INF2: variants seen among roughly 807,000 people sequenced by gnomAD.
INF2 encodes the protein inverted formin 2.
INF2 carries 43 observed loss-of-function variants against 123.5 expected under a neutral mutation model. That is an observed-to-expected ratio of 0.35 (90% CI 0.27 to 0.45). The LOEUF (loss-of-function observed/expected upper bound fraction) is 0.45, where lower values mean the gene tolerates loss of function less well. Ranked by LOEUF, INF2 falls within the 20% of genes least tolerant of loss-of-function variation. INF2 has a pLI of 1.00. For synonymous variants in INF2, 851 were observed against 745.0 expected, an observed-to-expected ratio of 1.14 and a Z score of -2.32; for missense variants, 1,453 against 1,682.7, an observed-to-expected ratio of 0.86 and a Z score of 2.39.
In INF2 at chr14:104,699,585, T is replaced by A. The variant is rs1595160768; in HGVS notation, c.-9-1772T>A. The A allele has an allele frequency of 2.0e-6, 2 of 983,478 alleles. No homozygotes were observed. Among genetic ancestry groups the A allele is most frequent in the South Asian group, 9.5e-5 (2 of 21,158 alleles). 60.9% of individuals were successfully genotyped at this position (983,478 alleles called of 1,614,324 possible). A position where few individuals can be genotyped will look rare whatever the true frequency, so the allele number is the denominator to read the frequency against. On this transcript the variant is annotated intron_variant, in intron 1 of 22. Transcript: ENST00000392634. The surrounding 1 kb of genome is among the most constrained non-coding windows in gnomAD (Gnocchi z 4.7). ...TGGGTGGGCAGAGGTGGCCGGAAGG[T>A]CTTGCGCATCTGGGTGAGTGGACGG... is the stretch of plus-strand genomic sequence containing the variant.
At position 104,684,551 on chromosome 14, in the gene INF2, A is replaced by C; in HGVS notation, c.-104+2969A>C. 1 of 160,126 alleles carries C rather than the reference A, an allele frequency of 6.2e-6. No individual in the cohort carries two copies. Among genetic ancestry groups the C allele is most frequent in the Non-Finnish European group, 1.4e-5 (1 of 73,194 alleles). 9.9% of individuals were successfully genotyped at this position (160,126 alleles called of 1,614,324 possible). A position where few individuals can be genotyped will look rare whatever the true frequency, so the allele number is the denominator to read the frequency against. On this transcript the variant is annotated intron_variant, in intron 1 of 2. Transcript: ENST00000674723. The surrounding 1 kb of genome is among the most constrained non-coding windows in gnomAD (Gnocchi z 5.0). ...CGGCTCTATGGTGGCAGAGAGGAGA[A>C]AAGCAGTTAGCTTTGGCAGGTGCCC...
chr14:104,708,061 G>A, intron 8 of INF2, 59 bp downstream of exon 8: 1 of 1,596,208 alleles, frequency 6.3e-7, no homozygotes, highest in East Asian at 2.2e-5. Context: ...GGTCTCTGCT[G>A]GGGAGAGGGG....
rs1242141636 is a variant in INF2 at position 104,699,877 on chromosome 14, T to TA, written c.-9-1479dup. Among the ~76,000 whole-genome samples, 16 of 152,106 alleles carry TA rather than the reference T, an allele frequency of 1.1e-4. No individual in the cohort carries two copies. Among genetic ancestry groups the TA allele is most frequent in the African/African-American group, 3.9e-4 (16 of 41,420 alleles). ...GGACATGCAGATCAGAACCCTGGCT[T>TA]ACACCTGTCAGGCTGCCTCCTGGAA... On this transcript the variant is annotated intron_variant, in intron 1 of 22. Transcript: ENST00000392634. This position sits in a 1 kb window ranked among gnomAD's most constrained non-coding sequence, Gnocchi z 4.7.
At position 104,715,250 on chromosome 14, in the gene INF2, AG is replaced by A. The variant is rs760660257; in HGVS notation, c.3695-33del. ...GAGTCAGGGTTGCTTCTGTGTGATAAGCCGTTGAGTGCGTTTCTTTTATTTG... is the reference window on the plus strand; with the variant it reads ...GAGTCAGGGTTGCTTCTGTGTGATAACCGTTGAGTGCGTTTCTTTTATTTG... On this transcript the variant is annotated intron_variant, in intron 21 of 22. Transcript: ENST00000392634. The A allele has an allele frequency of 2.1e-4, 336 of 1,609,042 alleles. 3 individuals are homozygous for A. The Middle Eastern group carries it at 0.016, about 76-fold the overall frequency.
Position 104,722,483 on chromosome 14 carries a change from G to A in INF2, c.*3690G>A, listed in dbSNP as rs1489999513. ...TGATGGGACTTTGTGGTTCCTGGTGGACATTTAACATTGTCGGTTTCTCTC... is the reference window on the plus strand; with the variant it reads ...TGATGGGACTTTGTGGTTCCTGGTGAACATTTAACATTGTCGGTTTCTCTC... On this transcript the variant is annotated 3_prime_UTR_variant, in exon 23 of 23. Transcript: ENST00000392634. The A allele has an allele frequency of 1.3e-5, 2 of 152,240 alleles. No individual in the cohort carries two copies. The highest frequency in any genetic ancestry group is 2.9e-5 in the Non-Finnish European group (2 of 68,084). The allele number at this position is 152,240 out of a possible 1,614,324, so 9.4% of individuals were successfully genotyped here. A position where few individuals can be genotyped will look rare whatever the true frequency, so the allele number is the denominator to read the frequency against.
upstream of INF2, among the ~76,000 whole-genome samples, chr14:104,686,474 A>G (rs1025971277): frequency 3.3e-5 from 5 of 151,706 alleles, no homozygotes; most frequent in African/African-American, 1.2e-4. Flanking sequence ...AGACGGATGA[A>G]GTGTGGGTGT....
intron 5 of INF2, among the ~76,000 whole-genome samples, chr14:104,705,058 G>C (rs1386246650): frequency 6.6e-6 from 1 of 152,152 alleles, no homozygotes; most frequent in African/African-American, 2.4e-5. Flanking sequence ...CTGTACTCAG[G>C]GGGGTGTCCT....
chr14:104,700,371 G>C (rs1205459907), intron 1 of INF2, among the ~76,000 whole-genome samples: 1 of 152,174 alleles, frequency 6.6e-6, no homozygotes, highest in Non-Finnish European at 1.5e-5. Context: ...GCTGGGCCGG[G>C]GTGGAGGCTC....
chr14:104,713,279 C>A lies in INF2; in HGVS notation c.2848C>A (p.Arg950=). ...GCAGCAGCTGGCGGAGGAGGAGGCG[C>A]GGCGGCCTCGGGGAGAGGACGGGAA... is the stretch of plus-strand genomic sequence containing the variant. ...RKQQLAEEEA[R]RPRGEDGKPV... Residue 950 remains arginine (R), a synonymous_variant, in exon 19 of 23, where the codon CGG becomes AGG. Coordinates refer to ENST00000392634, the MANE Select transcript of INF2 (RefSeq NM_022489.4). 6.5e-7 allele frequency: 1 copy of A among 1,550,264 alleles called. No homozygotes were observed. Among genetic ancestry groups the A allele is most frequent in the Non-Finnish European group, 8.7e-7 (1 of 1,147,490 alleles).
chr14:104,711,031 C>T, intron 14 of INF2, 24 bp downstream of exon 14: 1 of 1,611,178 alleles, frequency 6.2e-7, no homozygotes. Context: ...AGCTCCCCAT[C>T]CCACCTGGTG....
chr14:104,715,035 C>T (rs961316097), intron 21 of INF2, among the ~76,000 whole-genome samples, 179 bp downstream of exon 21: 2 of 152,204 alleles, frequency 1.3e-5, no homozygotes, highest in Non-Finnish European at 1.5e-5. Context: ...TGGGCTGCCG[C>T]GGCCCGTGCA....
chr14:104,713,358 T>C, intron 19 of INF2, 49 bp downstream of exon 19: 1 of 1,557,214 alleles, frequency 6.4e-7, no homozygotes, highest in East Asian at 2.4e-5. Flanking sequence ...GGGATCCTTG[T>C]CTGTGCTCCA....
intron 1 of INF2, chr14:104,691,265 T>C (rs1346675083): frequency 6.6e-6 from 1 of 152,188 alleles, no homozygotes; most frequent in Non-Finnish European, 1.5e-5. Flanking sequence ...ACTTCCTGGG[T>C]TGGAAAAGTT....
chr14:104,697,887 C>CA (rs1555372662), intron 1 of INF2, among the ~76,000 whole-genome samples: 12 of 151,812 alleles, frequency 7.9e-5, no homozygotes, highest in Admixed American at 5.2e-4. Context: ...GGTGGACTGC[C>CA]GGGGGGGGTG....
intron 1 of INF2, among the ~76,000 whole-genome samples, chr14:104,683,356 C>T (rs4994393): frequency 0.051 from 5,313 of 104,006 alleles, 93 homozygotes; most frequent in Non-Finnish European, 0.063. Context: ...CCGTCCACTC[C>T]AAGAGCCTAG....
Position 104,712,821 on chromosome 14 carries a change from C to A in INF2, c.2611-7C>A. ...CTCACGGGACTGTCACGTGCCCTTG[C>A]CCCCAGGCCAGCATCTCGGCCTTCC... is the stretch of plus-strand genomic sequence containing the variant. On this transcript the variant is annotated splice_polypyrimidine_tract_variant and splice_region_variant and intron_variant, in intron 17 of 22. Coordinates refer to ENST00000392634, the MANE Select transcript of INF2 (RefSeq NM_022489.4). 1 of 1,605,826 alleles carries A rather than the reference C, an allele frequency of 6.2e-7. No homozygotes were observed. Among genetic ancestry groups the A allele is most frequent in the South Asian group, 1.1e-5 (1 of 90,534 alleles).
Position 104,701,650 on chromosome 14 carries a change from C to T in INF2, c.285C>T (p.Ala95=), listed in dbSNP as rs757222949. The T allele has an allele frequency of 3.1e-6, 5 of 1,596,508 alleles. No individual in the cohort carries two copies. The highest frequency in any genetic ancestry group is 1.3e-5 in the African/African-American group (1 of 74,742). ...GCGGCGTTGCACGTATCTCCGACGC[C>T]CTGCTGCAGCTCACCTGCGTCAGCT... The part of the protein sequence containing the change: ...SGRGVARISD[A]LLQLTCVSCV... Residue 95 remains alanine (A), a synonymous_variant, in exon 2 of 23, where the codon GCC becomes GCT. Transcript: ENST00000392634.
At chr14:104,681,510 C>G in exon 1 of INF2, 1 of 1,253,082 alleles carries the variant, frequency 8.0e-7, no homozygotes, top group Non-Finnish European at 1.0e-6. Flanking sequence ...GGCACCAGCG[C>G]CCCCTCTCAG....
At chr14:104,686,933 G>C (rs117578506), upstream of INF2, among the ~76,000 whole-genome samples, 20 of 152,328 alleles carry the variant, frequency 1.3e-4, no homozygotes, top group Non-Finnish European at 2.6e-4. Context: ...CTCTCCACAG[G>C]CCTACAGTGG....
Sources: allele counts gnomAD v4.1 joint callset (sites outside exome capture counted in the v4.1 genomes callset), GRCh38; gene constraint gnomAD v4.1.1; non-coding constraint Gnocchi (gnomAD v3.1); transcripts MANE v1.5; gene names NCBI Gene and HGNC (gene_info 2026-07-23, HGNC 2026-07-21).